Variants in RUNX2 observed in about 807,000 individuals in gnomAD.
The protein encoded by RUNX2 is RUNX family transcription factor 2.
RUNX2 carries 10 observed loss-of-function variants against 51.7 expected under a neutral mutation model. That is an observed-to-expected ratio of 0.19 (90% CI 0.12 to 0.33). RUNX2 has a LOEUF of 0.33. Among genes scored for constraint, RUNX2 ranks in the 10% least tolerant of loss-of-function variants. The pLI is 1.00. For synonymous variants in RUNX2, 276 were observed against 273.6 expected (o/e 1.01, Z -0.09); for missense variants, 562 against 691.3 (o/e 0.81, Z 2.10).
At chr6:45,475,795 G>T (rs1799939319) in intron 5 of RUNX2, among the ~76,000 whole-genome samples, 1 of 152,184 alleles carries the variant, frequency 6.6e-6, no homozygotes, top group Admixed American at 6.5e-5. Context: ...TTTCAGATTA[G>T]TGTTAAGGAA....
chr6:45,480,189 G>A (rs1800069095), intron 5 of RUNX2, among the ~76,000 whole-genome samples: 1 of 152,238 alleles, frequency 6.6e-6, no homozygotes, highest in Admixed American at 6.5e-5. Context: ...GGATGGATAG[G>A]TGGATAAACG....
chr6:45,436,130 A>C (rs984461351), intron 4 of RUNX2, among the ~76,000 whole-genome samples: 5 of 152,350 alleles, frequency 3.3e-5, no homozygotes, highest in Admixed American at 3.3e-4. Flanking sequence ...ATGACACTTT[A>C]AAAATAGATG....
chr6:45,547,038 G>T lies in RUNX2; in HGVS notation c.1299G>T (p.Gln433His), dbSNP rs1802422604. 6.2e-7 allele frequency: 1 copy of T among 1,614,002 alleles called. No homozygotes were observed. The highest frequency in any genetic ancestry group is 8.5e-7 in the Non-Finnish European group (1 of 1,180,036). The change falls in exon 9 of 9, where the codon CAG (glutamine) becomes CAT (histidine). Residue 433 changes from glutamine (Q) to histidine (H), a missense_variant. Gln to His is a conservative substitution (Grantham distance 24). Transcript: ENST00000647337. ...PPPYPGSSQSQSGPFQTSSTP... is the reference protein window; with the variant it reads ...PPPYPGSSQSHSGPFQTSSTP... ...CCTACCCCGGCTCTTCCCAAAGCCA[G>T]AGTGGACCCTTCCAGACCAGCAGCA...
chr6:45,387,347 A>G (rs1027661155), intron 2 of RUNX2, among the ~76,000 whole-genome samples: 5 of 152,184 alleles, frequency 3.3e-5, no homozygotes, highest in Non-Finnish European at 7.3e-5. Flanking sequence ...AGTTCAAGAG[A>G]GTGGCTGCAC....
At chr6:45,529,303 A>G (rs1017145820) in intron 7 of RUNX2, among the ~76,000 whole-genome samples, 15 of 152,182 alleles carry the variant, frequency 9.9e-5, no homozygotes, top group Non-Finnish European at 1.9e-4. Context: ...TAGTAAAATC[A>G]GGACCTGGAG....
intron 5 of RUNX2, among the ~76,000 whole-genome samples, chr6:45,485,043 T>A (rs549540002): frequency 4.6e-5 from 7 of 152,226 alleles, no homozygotes; most frequent in Non-Finnish European, 7.3e-5. Flanking sequence ...TTCAATCACA[T>A]ACTTGGTGAC....
At chr6:45,520,816 G>T (rs1172582209) in intron 7 of RUNX2, among the ~76,000 whole-genome samples, 1 of 152,028 alleles carries the variant, frequency 6.6e-6, no homozygotes, top group Non-Finnish European at 1.5e-5. Flanking sequence ...TGCCTCCCAG[G>T]TTCAAAAGAT....
At chr6:45,511,581 A>G (rs1389486002) in intron 6 of RUNX2, among the ~76,000 whole-genome samples, 1 of 152,016 alleles carries the variant, frequency 6.6e-6, no homozygotes, top group Non-Finnish European at 1.5e-5. Context: ...CTTTAGCATG[A>G]GAGTAACGTA....
chr6:45,472,675 A>G (rs1344691820), intron 5 of RUNX2, among the ~76,000 whole-genome samples: 1 of 152,156 alleles, frequency 6.6e-6, no homozygotes, highest in African/African-American at 2.4e-5. Context: ...TGTGGCCTGG[A>G]CACTGCTTTC....
intron 2 of RUNX2, among the ~76,000 whole-genome samples, chr6:45,359,272 G>GA (rs1793815284): frequency 6.6e-6 from 1 of 151,986 alleles, no homozygotes; most frequent in Admixed American, 6.6e-5. Flanking sequence ...TTTCTGAAAG[G>GA]AAAAAAGACT....
chr6:45,369,472 C>T (rs1445737812), intron 2 of RUNX2, among the ~76,000 whole-genome samples: 1 of 152,168 alleles, frequency 6.6e-6, no homozygotes, highest in East Asian at 1.9e-4. Flanking sequence ...GCCTCTGTCC[C>T]ACAGTGAATC....
intron 5 of RUNX2, among the ~76,000 whole-genome samples, chr6:45,442,316 T>C (rs1798864744): frequency 6.6e-6 from 1 of 152,232 alleles, no homozygotes; most frequent in African/African-American, 2.4e-5. Flanking sequence ...TTTGACCTTC[T>C]GTTGGCAAGC....
Position 45,551,082 on chromosome 6 carries a change from A to G in RUNX2, c.*3777A>G, listed in dbSNP as rs1282473454. The stretch of plus-strand genomic sequence containing the variant: ...ATAAAATGGCTTTTTTGGTTTTGTT[A>G]TGTGTGTACCTTGGGTCTTTTCTTG... On this transcript the variant is annotated 3_prime_UTR_variant, in exon 9 of 9. Coordinates refer to ENST00000647337, the MANE Select transcript of RUNX2 (RefSeq NM_001024630.4). 6.6e-6 allele frequency: 1 copy of G among 152,592 alleles called. No homozygotes were observed. The highest frequency in any genetic ancestry group is 2.4e-5 in the African/African-American group (1 of 41,504). 9.5% of individuals were successfully genotyped at this position (152,592 alleles called of 1,614,324 possible). A position where few individuals can be genotyped will look rare whatever the true frequency, so the allele number is the denominator to read the frequency against.
intron 2 of RUNX2, among the ~76,000 whole-genome samples, chr6:45,334,984 TAAAC>T (rs1788265447): frequency 6.6e-6 from 1 of 151,460 alleles, no homozygotes; most frequent in East Asian, 1.9e-4. Flanking sequence ...TGATATCAGT[TAAAC>T]AAAGTATTAG....
In RUNX2 at chr6:45,377,189, C is replaced by T. The variant is rs577287439; in HGVS notation, c.59-45404C>T. 3 of 152,272 alleles carry T rather than the reference C, an allele frequency of 2.0e-5. No homozygotes were observed. The South Asian group carries it at 6.2e-4, about 32-fold the overall frequency. 9.4% of individuals were successfully genotyped at this position (152,272 alleles called of 1,614,324 possible). A position where few individuals can be genotyped will look rare whatever the true frequency, so the allele number is the denominator to read the frequency against. ...ACCTGGCGCTGTTCTAAGCGTTTAA[C>T]GTGTATTTTCTCATATAATCCTCAC... On this transcript the variant is annotated intron_variant, in intron 2 of 8. Coordinates refer to ENST00000647337, the MANE Select transcript of RUNX2 (RefSeq NM_001024630.4).
intron 2 of RUNX2, chr6:45,377,951 G>GC (rs969496557): frequency 8.5e-5 from 13 of 152,700 alleles, no homozygotes; most frequent in Non-Finnish European, 1.6e-4. Context: ...GCGATGGGGG[G>GC]GGTACAAGAT....
chr6:45,353,465 AAGC>A (rs1284785759), intron 2 of RUNX2, among the ~76,000 whole-genome samples: 15 of 152,088 alleles, frequency 9.9e-5, no homozygotes, highest in African/African-American at 3.4e-4. Context: ...CAACGGAACA[AAGC>A]AGAAAAGTTT....
intron 2 of RUNX2, among the ~76,000 whole-genome samples, chr6:45,381,230 G>A (rs533704128): frequency 6.6e-6 from 1 of 152,292 alleles, no homozygotes; most frequent in South Asian, 2.1e-4. Context: ...GGTAGTACCT[G>A]AGCAAGTCAC....
Position 45,548,938 on chromosome 6 carries a change from G to T in RUNX2, c.*1633G>T, listed in dbSNP as rs1419325472. Reference sequence around the variant, plus strand: ...AGTAGGTCCTCTGAAAAGGCAGCAGGTTCCAGCAGGTAGCTGAGCTGAGAG... The same window carrying T: ...AGTAGGTCCTCTGAAAAGGCAGCAGTTTCCAGCAGGTAGCTGAGCTGAGAG... On this transcript the variant is annotated 3_prime_UTR_variant, in exon 9 of 9. Coordinates refer to ENST00000647337, the MANE Select transcript of RUNX2 (RefSeq NM_001024630.4). 1 of 392,516 alleles carries T rather than the reference G, an allele frequency of 2.5e-6. No individual in the cohort carries two copies. Among genetic ancestry groups the T allele is most frequent in the Non-Finnish European group, 4.5e-6 (1 of 222,524 alleles). 24.3% of individuals were successfully genotyped at this position (392,516 alleles called of 1,614,324 possible).
Sources: gnomAD v4.1 joint callset for allele counts (sites outside exome capture counted in the v4.1 genomes callset) on GRCh38, gnomAD v4.1.1 for gene constraint, MANE v1.5 for transcripts, NCBI Gene and HGNC (gene_info 2026-07-23, HGNC 2026-07-21) for gene names.